Variants in NAV1 observed in about 807,000 individuals in gnomAD.
NAV1 encodes pore membrane and/or filament interacting like protein 3.
In NAV1, 18 loss-of-function variants were observed where a neutral mutation model predicts 175.2. The observed-to-expected ratio is 0.10, with a 90% CI of 0.07 to 0.15. NAV1 has a LOEUF of 0.15. Ranked by LOEUF, NAV1 falls within the 10% of genes least tolerant of loss-of-function variation. The pLI is 1.00. For missense variants in NAV1, 1,731 were observed against 2,436.6 expected (o/e 0.71, Z 6.10); for synonymous variants, 897 against 978.7 (o/e 0.92, Z 1.56).
At chr1:201,571,205 G>A (rs981096751) in intron 1 of NAV1, among the ~76,000 whole-genome samples, 1 of 152,230 alleles carries the variant, frequency 6.6e-6, no homozygotes, top group Non-Finnish European at 1.5e-5. Context: ...GTGTGATGAA[G>A]GAGAAGTCAG....
chr1:201,647,202 G>C (rs1402556743), upstream of NAV1, among the ~76,000 whole-genome samples: 1 of 152,124 alleles, frequency 6.6e-6, no homozygotes, highest in Non-Finnish European at 1.5e-5. Context: ...TTTGAGGATG[G>C]GCAGTGTCCC....
chr1:201,603,731 G>C (rs1667588939), intron 2 of NAV1, among the ~76,000 whole-genome samples: 1 of 152,148 alleles, frequency 6.6e-6, no homozygotes, highest in East Asian at 1.9e-4. Context: ...GTCAGTGAGG[G>C]AGAGATTGTT....
chr1:201,745,756 A>G (rs772117676), intron 3 of NAV1, among the ~76,000 whole-genome samples: 34 of 152,324 alleles, frequency 2.2e-4, no homozygotes, highest in Non-Finnish European at 5.9e-5. Context: ...TCAAGTTCCC[A>G]TTTGGAATGG....
At chr1:201,585,328 A>G (rs1666992116) in intron 1 of NAV1, among the ~76,000 whole-genome samples, 1 of 152,232 alleles carries the variant, frequency 6.6e-6, no homozygotes, top group Non-Finnish European at 1.5e-5. Context: ...GCACAGAACT[A>G]GGTTTCTGTG....
chr1:201,545,242 A>G (rs1200741164), intron 1 of NAV1, among the ~76,000 whole-genome samples: 3 of 152,206 alleles, frequency 2.0e-5, no homozygotes, highest in Non-Finnish European at 4.4e-5. Flanking sequence ...GGCAATTTCA[A>G]AAAATACAGT....
At chr1:201,695,256 C>T (rs1327796466) in intron 1 of NAV1, among the ~76,000 whole-genome samples, 1 of 152,254 alleles carries the variant, frequency 6.6e-6, no homozygotes, top group Non-Finnish European at 1.5e-5. Flanking sequence ...TGCTCCTCCA[C>T]CGAGGGCTCT....
chr1:201,741,291 T>G (rs1673406621), intron 3 of NAV1, among the ~76,000 whole-genome samples: 1 of 152,178 alleles, frequency 6.6e-6, no homozygotes, highest in Non-Finnish European at 1.5e-5. Flanking sequence ...TCCAAACTTT[T>G]TTCCCCTACC....
At chr1:201,634,383 C>A (rs1486246578) in intron 2 of NAV1, among the ~76,000 whole-genome samples, 1 of 152,166 alleles carries the variant, frequency 6.6e-6, no homozygotes, top group Non-Finnish European at 1.5e-5. Flanking sequence ...GTGGTCTAGC[C>A]AGGATTTGAA....
intron 1 of NAV1, among the ~76,000 whole-genome samples, chr1:201,655,466 G>A (rs1342933542): frequency 2.6e-5 from 4 of 152,220 alleles, no homozygotes; most frequent in Non-Finnish European, 5.9e-5. Flanking sequence ...GAGGTAGGGG[G>A]GGCCAGGCCC....
chr1:201,761,842 C>CT (rs1393317015), intron 3 of NAV1, among the ~76,000 whole-genome samples: 2 of 152,214 alleles, frequency 1.3e-5, no homozygotes, highest in East Asian at 3.9e-4. Flanking sequence ...CAACCTCTTC[C>CT]TTTTTTTCTG....
At chr1:201,540,611 G>A (rs1427572407) in intron 1 of NAV1, among the ~76,000 whole-genome samples, 2 of 152,188 alleles carry the variant, frequency 1.3e-5, no homozygotes, top group Non-Finnish European at 2.9e-5. Flanking sequence ...TATGATTCCA[G>A]CTTGCTTATG....
chr1:201,700,381 A>G (rs1671364506), intron 1 of NAV1, among the ~76,000 whole-genome samples: 1 of 152,240 alleles, frequency 6.6e-6, no homozygotes, highest in Non-Finnish European at 1.5e-5. Context: ...TCAAAACCAC[A>G]ACGAGATACC....
chr1:201,658,034 A>G (rs1669471785), intron 1 of NAV1, among the ~76,000 whole-genome samples: 2 of 152,154 alleles, frequency 1.3e-5, no homozygotes, highest in Admixed American at 6.5e-5. Flanking sequence ...CCCTGTGTGA[A>G]TACAGGTAAT....
At chr1:201,778,576 G>T (rs1203902167) in intron 3 of NAV1, among the ~76,000 whole-genome samples, 4 of 152,176 alleles carry the variant, frequency 2.6e-5, no homozygotes, top group African/African-American at 9.7e-5. Flanking sequence ...TATACATCAG[G>T]AGGAGAAGAG....
chr1:201,736,395 T>A (rs1304453410), intron 3 of NAV1, among the ~76,000 whole-genome samples: 1 of 152,160 alleles, frequency 6.6e-6, no homozygotes, highest in Non-Finnish European at 1.5e-5. Context: ...AGTCTTTCCC[T>A]TTTTTTCTTA....
intron 28 of NAV1, among the ~76,000 whole-genome samples, chr1:201,815,725 G>C (rs745920187): frequency 1.3e-5 from 2 of 152,088 alleles, no homozygotes; most frequent in Non-Finnish European, 2.9e-5. Context: ...CTCACTAAGA[G>C]AATAGTTTTT....
intron 2 of NAV1, among the ~76,000 whole-genome samples, chr1:201,596,431 G>C (rs1667349982): frequency 6.6e-6 from 1 of 152,228 alleles, no homozygotes; most frequent in African/African-American, 2.4e-5. Context: ...AGGGAGCTTG[G>C]TCAAGCCAGT....
rs78524476 is a variant in NAV1, at chr1:201,685,664, T to G, written c.758-27153T>G. Among the ~76,000 whole-genome samples the G allele has an allele frequency of 8.2e-3, 1,248 of 152,300 alleles. 18 individuals carry two copies. The highest frequency in any genetic ancestry group is 0.028 in the African/African-American group (1,159 of 41,554). ...CCCCCTTGGCCCAGCAGCCAGTACA[T>G]TTTTCCTCTGTGGTGATAATCAGGG... is the stretch of plus-strand genomic sequence containing the variant. On this transcript the variant is annotated intron_variant, in intron 1 of 29. Coordinates refer to ENST00000367296, the Ensembl canonical transcript of NAV1.
At chr1:201,591,035 A>G (rs608356) in intron 2 of NAV1, among the ~76,000 whole-genome samples, 57,478 of 151,912 alleles carry the variant, frequency 0.38, 12,407 homozygotes, top group African/African-American at 0.58. Flanking sequence ...TCTCTCCAAC[A>G]CATGCAGTCA....
Sources: allele counts gnomAD v4.1 joint callset (sites outside exome capture counted in the v4.1 genomes callset), GRCh38; gene constraint gnomAD v4.1.1; transcripts MANE v1.5; gene names NCBI Gene and HGNC (gene_info 2026-07-23, HGNC 2026-07-21).